Variants in GLDN observed in about 807,000 individuals in gnomAD.
GLDN encodes gliomedin, also known as collomin.
A neutral mutation model predicts 56.5 loss-of-function variants in GLDN; 47 were observed. The observed-to-expected ratio is 0.83, with a 90% CI of 0.66 to 1.06. The LOEUF is 1.06. GLDN is among the 50% of genes least tolerant of loss of function. The pLI, the probability that GLDN is intolerant of heterozygous loss-of-function variation, is 0.00. For synonymous variants in GLDN, 332 were observed against 278.8 expected, an observed-to-expected ratio of 1.19 and a Z score of -1.90; for missense variants, 782 against 714.3, an observed-to-expected ratio of 1.09 and a Z score of -1.08.
intron 1 of GLDN, among the ~76,000 whole-genome samples, chr15:51,370,432 T>G (rs2470189): frequency 0.53 from 81,201 of 152,062 alleles, 24,340 homozygotes; most frequent in African/African-American, 0.81. Context: ...ATAAGGAAAA[T>G]AAAAGTCTTA....
At chr15:51,342,331 A>C (rs1224304199) in intron 1 of GLDN, among the ~76,000 whole-genome samples, 1 of 152,164 alleles carries the variant, frequency 6.6e-6, no homozygotes, top group East Asian at 1.9e-4. Context: ...TGTTTCTAAG[A>C]GCCTATTTTC....
intron 4 of GLDN, among the ~76,000 whole-genome samples, chr15:51,394,568 G>A (rs749923780): frequency 5.3e-5 from 8 of 152,100 alleles, no homozygotes; most frequent in Non-Finnish European, 8.8e-5. Flanking sequence ...AGCCGAGATC[G>A]CGCTACTGCA....
chr15:51,360,979 A>T (rs1177998048), intron 1 of GLDN, among the ~76,000 whole-genome samples: 7 of 152,362 alleles, frequency 4.6e-5, no homozygotes, highest in African/African-American at 1.7e-4. Flanking sequence ...CCAACATCAG[A>T]CGACTTGGTT....
rs1293512187 is a variant in GLDN, at chr15:51,341,939, C to G, written c.255C>G (p.Asp85Glu). Reference sequence around the variant, plus strand: ...GCGGGGCGTCCGCACCACCCCAAGACCCGGCCAGCTCAGCTCGCAACAAGC... The same window carrying G: ...GCGGGGCGTCCGCACCACCCCAAGAGCCGGCCAGCTCAGCTCGCAACAAGC... ...APRGASAPPQ[D>E]PASSARNKRS... The change falls in exon 1 of 10, where the codon GAC (aspartate) becomes GAG (glutamate). Residue 85 changes from aspartate (D) to glutamate (E), a missense_variant. Physicochemically the swap from Asp to Glu is conservative, Grantham distance 45. Transcript: ENST00000335449. 1.3e-6 allele frequency: 2 copies of G among 1,596,914 alleles called. No homozygotes were observed. Among genetic ancestry groups the G allele is most frequent in the Non-Finnish European group, 8.5e-7 (1 of 1,179,288 alleles).
intron 2 of GLDN, among the ~76,000 whole-genome samples, chr15:51,380,463 A>T (rs1445156890): frequency 6.6e-6 from 1 of 152,216 alleles, no homozygotes; most frequent in African/African-American, 2.4e-5. Context: ...ACATCATGGC[A>T]TTTGACATTA....
intron 4 of GLDN, among the ~76,000 whole-genome samples, chr15:51,391,140 A>G (rs1293656835): frequency 6.6e-6 from 1 of 152,224 alleles, no homozygotes; most frequent in Non-Finnish European, 1.5e-5. Flanking sequence ...TTTCTTAATG[A>G]AAGCCATAAA....
chr15:51,371,688 G>T (rs2037519610), intron 1 of GLDN, among the ~76,000 whole-genome samples: 1 of 152,018 alleles, frequency 6.6e-6, no homozygotes, highest in Admixed American at 6.6e-5. Flanking sequence ...TATAAGAAAA[G>T]AATTTTTTTT....
intron 2 of GLDN, 35 bp downstream of exon 2, chr15:51,377,535 C>A (rs368811988): frequency 3.8e-6 from 6 of 1,588,724 alleles, no homozygotes; most frequent in Non-Finnish European, 5.2e-6. Context: ...GCTCACACAA[C>A]AAGGACTTGT....
At chr15:51,412,357 C>T (rs1243658476), downstream of GLDN, among the ~76,000 whole-genome samples, 2 of 152,168 alleles carry the variant, frequency 1.3e-5, no homozygotes, top group African/African-American at 4.8e-5. Flanking sequence ...TTAAAGACAT[C>T]CACATAGGAG....
At chr15:51,391,855 G>A (rs954915182) in intron 4 of GLDN, among the ~76,000 whole-genome samples, 1 of 152,212 alleles carries the variant, frequency 6.6e-6, no homozygotes, top group African/African-American at 2.4e-5. Context: ...CCACTGGACG[G>A]GCAGCCGCCA....
At chr15:51,380,031 T>G (rs919975287) in intron 2 of GLDN, among the ~76,000 whole-genome samples, 1 of 152,100 alleles carries the variant, frequency 6.6e-6, no homozygotes, top group African/African-American at 2.4e-5. Flanking sequence ...TTTCCTGCAC[T>G]TGTGCCCCAG....
chr15:51,344,381 G>C (rs1335474262), intron 1 of GLDN, among the ~76,000 whole-genome samples: 1 of 152,178 alleles, frequency 6.6e-6, no homozygotes, highest in African/African-American at 2.4e-5. Flanking sequence ...TTACTGAAAA[G>C]CTTTTTAATT....
In GLDN at chr15:51,401,622, C is replaced by A. The variant is rs776892758; in HGVS notation, c.1057C>A (p.Pro353Thr). 3.8e-5 allele frequency: 61 copies of A among 1,614,014 alleles called. No homozygotes were observed. The highest frequency in any genetic ancestry group is 4.9e-5 in the Non-Finnish European group (58 of 1,179,906). The change falls in exon 9 of 10, where the codon CCC (proline) becomes ACC (threonine). Residue 353 changes from proline to threonine, a missense_variant. Coordinates refer to ENST00000335449, the MANE Select transcript of GLDN (RefSeq NM_181789.4). ...GIMVKEFKDQ[P>T]SLLNGSYTFI... is the part of the protein sequence containing the mutation. Reference sequence around the variant, plus strand: ...CATGGTTAAGGAATTCAAGGATCAGCCCTCACTTCTGAATGGCAGTTACAC... The same window carrying A: ...CATGGTTAAGGAATTCAAGGATCAGACCTCACTTCTGAATGGCAGTTACAC...
At chr15:51,368,648 A>G (rs559373875) in intron 1 of GLDN, among the ~76,000 whole-genome samples, 1 of 152,076 alleles carries the variant, frequency 6.6e-6, no homozygotes, top group East Asian at 1.9e-4. Context: ...AGAAATGTTC[A>G]TGAACTAAGA....
chr15:51,404,461 A>G lies in GLDN; in HGVS notation c.1363A>G (p.Arg455Gly), dbSNP rs2141138904. The change falls in exon 10 of 10, where the codon AGG (arginine) becomes GGG (glycine). Residue 455 changes from arginine (R) to glycine (G), a missense_variant. By Grantham distance (125) the Arg-to-Gly change is moderately radical. Coordinates refer to ENST00000335449, the MANE Select transcript of GLDN (RefSeq NM_181789.4). ...CATTCTTGTAGCACAACTGGATGAGAGGACATTCTCAGTGGTGCAACACGT... is the reference window on the plus strand; with the variant it reads ...CATTCTTGTAGCACAACTGGATGAGGGGACATTCTCAGTGGTGCAACACGT... ...SSILVAQLDE[R>G]TFSVVQHVNT... 6.2e-7 allele frequency: 1 copy of G among 1,614,192 alleles called. No homozygotes were observed. The highest frequency in any genetic ancestry group is 2.2e-5 in the East Asian group (1 of 44,884).
intron 1 of GLDN, among the ~76,000 whole-genome samples, chr15:51,368,093 G>C (rs1461793909): frequency 1.3e-5 from 2 of 152,212 alleles, no homozygotes; most frequent in African/African-American, 2.4e-5. Flanking sequence ...CAAAGTGACT[G>C]CCTGTCTGAA....
At chr15:51,399,271 C>A (rs2038199430) in intron 6 of GLDN, among the ~76,000 whole-genome samples, 1 of 152,122 alleles carries the variant, frequency 6.6e-6, no homozygotes, top group African/African-American at 2.4e-5. Context: ...GGGTCGGGCT[C>A]CCTTATTTTA....
chr15:51,393,701 A>G (rs936701371), intron 4 of GLDN, among the ~76,000 whole-genome samples: 7 of 152,176 alleles, frequency 4.6e-5, no homozygotes. Context: ...TTGACAGGCT[A>G]TTTGAGATCC....
At chr15:51,391,459 C>G (rs772434501) in intron 4 of GLDN, among the ~76,000 whole-genome samples, 4 of 152,216 alleles carry the variant, frequency 2.6e-5, no homozygotes, top group Non-Finnish European at 5.9e-5. Context: ...TCATGTGAGA[C>G]CTTTCGAAGG....
Sources: gnomAD v4.1 joint callset for allele counts (sites outside exome capture counted in the v4.1 genomes callset) on GRCh38, gnomAD v4.1.1 for gene constraint, MANE v1.5 for transcripts, NCBI Gene and HGNC (gene_info 2026-07-23, HGNC 2026-07-21) for gene names.